XIRP2: variants seen among roughly 807,000 people sequenced by gnomAD.
XIRP2 encodes xin actin-binding repeat-containing protein 2.
In XIRP2, 236 loss-of-function variants were observed where a neutral mutation model predicts 277.0. That is an observed-to-expected ratio of 0.85 (90% confidence interval 0.77 to 0.95). The LOEUF (loss-of-function observed/expected upper bound fraction) is 0.95. XIRP2 is among the 40% of genes least tolerant of loss of function. The pLI, the probability that XIRP2 is intolerant of heterozygous loss-of-function variation, is 0.00. For missense variants in XIRP2, 4,640 were observed against 4,157.5 expected, an observed-to-expected ratio of 1.12 and a Z score of -3.19; for synonymous variants, 1,490 against 1,416.5, an observed-to-expected ratio of 1.05 and a Z score of -1.17.
intron 2 of XIRP2, among the ~76,000 whole-genome samples, chr2:166,952,953 T>C (rs2105397987): frequency 6.6e-6 from 1 of 152,144 alleles, no homozygotes; most frequent in East Asian, 1.9e-4. Flanking sequence ...CAAAATTCAA[T>C]TTAAAAATTG....
At chr2:167,195,655 G>A (rs140637496) in intron 3 of XIRP2, among the ~76,000 whole-genome samples, 1 of 152,278 alleles carries the variant, frequency 6.6e-6, no homozygotes, top group African/African-American at 2.4e-5. Flanking sequence ...AGGAGAGAGG[G>A]CAAAGAGAAC....
At chr2:166,938,102 T>G (rs1685572010) in intron 2 of XIRP2, among the ~76,000 whole-genome samples, 1 of 152,242 alleles carries the variant, frequency 6.6e-6, no homozygotes, top group Non-Finnish European at 1.5e-5. Flanking sequence ...CCTTCAGTTC[T>G]GCTCCGATCT....
intron 3 of XIRP2, among the ~76,000 whole-genome samples, chr2:167,184,934 C>CTTTCTGCCTTT (rs1693114592): frequency 6.6e-6 from 1 of 152,124 alleles, no homozygotes; most frequent in Non-Finnish European, 1.5e-5. Flanking sequence ...TACAAGGGAT[C>CTTTCTGCCTTT]ACCTTATGAA....
chr2:167,225,587 T>C (rs970098204), intron 5 of XIRP2, among the ~76,000 whole-genome samples: 1 of 152,092 alleles, frequency 6.6e-6, no homozygotes, highest in African/African-American at 2.4e-5. Flanking sequence ...TGGAATCACA[T>C]AGACCTTTCT....
rs767047580 is a variant in XIRP2 at position 167,193,879 on chromosome 2, C to CAAAAAA, written c.563-16840_563-16835dup. ...GGTGACACAGTATGAGACTCTGTCT[C>CAAAAAA]AAAAAAAAAAAAAAAAAAAAATTCA... On this transcript the variant is annotated intron_variant, in intron 3 of 10. Transcript: ENST00000409195. Among the ~76,000 whole-genome samples, 289 of 71,808 alleles carry CAAAAAA rather than the reference C, an allele frequency of 4.0e-3. 4 individuals carry two copies. Among genetic ancestry groups the CAAAAAA allele is most frequent in the African/African-American group, 0.012 (227 of 19,296 alleles). 47.1% of individuals were successfully genotyped at this position (71,808 alleles called of 152,430 possible).
At chr2:167,071,766 G>T (rs1689443006) in intron 2 of XIRP2, among the ~76,000 whole-genome samples, 1 of 152,192 alleles carries the variant, frequency 6.6e-6, no homozygotes, top group Non-Finnish European at 1.5e-5. Context: ...CAGACCTTCT[G>T]TGCCAGGGCA....
At position 167,248,422 on chromosome 2, in the gene XIRP2, C is replaced by T; in HGVS notation, c.7030C>T (p.Leu2344Phe). 1 of 1,613,752 alleles carries T rather than the reference C, an allele frequency of 6.2e-7. No homozygotes were observed. The highest frequency in any genetic ancestry group is 8.5e-7 in the Non-Finnish European group (1 of 1,179,854). ...IKAEFESFPGLPLPPPPVDEK... is the reference protein window; with the variant it reads ...IKAEFESFPGFPLPPPPVDEK... ...GGCTGAATTTGAAAGTTTTCCAGGC[C>T]TCCCTCTTCCTCCACCTCCAGTAGA... Residue 2344 changes from leucine to phenylalanine, a missense_variant, in exon 9 of 11, where the codon CTC becomes TTC. Physicochemically the swap from Leu to Phe is conservative, Grantham distance 22 (BLOSUM62 0). Coordinates refer to ENST00000409195, the MANE Select transcript of XIRP2 (RefSeq NM_152381.6).
intron 2 of XIRP2, among the ~76,000 whole-genome samples, chr2:167,038,819 G>T (rs986257167): frequency 6.6e-6 from 1 of 151,956 alleles, no homozygotes; most frequent in Non-Finnish European, 1.5e-5. Flanking sequence ...TTAAAGAAAT[G>T]ATTAGGGCTT....
At chr2:167,099,582 T>G (rs1216102743) in intron 2 of XIRP2, among the ~76,000 whole-genome samples, 1 of 152,014 alleles carries the variant, frequency 6.6e-6, no homozygotes, top group Non-Finnish European at 1.5e-5. Context: ...GCTAGCTCGG[T>G]GTCTGCCCAA....
intron 2 of XIRP2, among the ~76,000 whole-genome samples, chr2:167,091,834 T>G (rs1236803125): frequency 6.6e-6 from 1 of 152,170 alleles, no homozygotes; most frequent in Non-Finnish European, 1.5e-5. Context: ...TTGAGATCAT[T>G]TGAAGATGGT....
chr2:166,908,892 G>A (rs1684615813), intron 2 of XIRP2, among the ~76,000 whole-genome samples: 1 of 152,086 alleles, frequency 6.6e-6, no homozygotes, highest in Non-Finnish European at 1.5e-5. Flanking sequence ...CCCATTTCTT[G>A]TTTTTGTCAG....
At chr2:167,221,814 T>C (rs867434250) in intron 5 of XIRP2, among the ~76,000 whole-genome samples, 1 of 152,192 alleles carries the variant, frequency 6.6e-6, no homozygotes, top group South Asian at 2.1e-4. Flanking sequence ...AAAAAATATT[T>C]ATTTTTTTGA....
At chr2:167,074,981 G>A (rs1207487031) in intron 2 of XIRP2, among the ~76,000 whole-genome samples, 1 of 152,064 alleles carries the variant, frequency 6.6e-6, no homozygotes, top group Non-Finnish European at 1.5e-5. Context: ...AGTGATCTTG[G>A]ACATTTAAAG....
intron 3 of XIRP2, among the ~76,000 whole-genome samples, chr2:167,146,701 A>G (rs750815723): frequency 6.6e-6 from 1 of 152,278 alleles, no homozygotes; most frequent in Non-Finnish European, 1.5e-5. Context: ...TAAACACTTT[A>G]TAGAACTGAA....
Position 166,907,411 on chromosome 2 carries a change from T to C in XIRP2, c.408+3521T>C, listed in dbSNP as rs78291304. On this transcript the variant is annotated intron_variant, in intron 2 of 10. Transcript: ENST00000409195. Reference sequence around the variant, plus strand: ...CCCAAAAATAGTGGGGTTAGAACATTAGTGGCTTTACAATTGTTTAGAAGT... The same window carrying C: ...CCCAAAAATAGTGGGGTTAGAACATCAGTGGCTTTACAATTGTTTAGAAGT... 4.8e-3 allele frequency among the ~76,000 whole-genome samples: 734 copies of C among 152,266 alleles called. 9 individuals carry two copies. Among genetic ancestry groups the C allele is most frequent in the African/African-American group, 0.017 (697 of 41,566 alleles).
chr2:167,002,004 T>C (rs1204915149), intron 2 of XIRP2, among the ~76,000 whole-genome samples: 3 of 152,240 alleles, frequency 2.0e-5, no homozygotes, highest in African/African-American at 4.8e-5. Flanking sequence ...AAATAATTAT[T>C]TGGAAAAATA....
chr2:166,981,528 TCTC>T (rs1686869155), intron 2 of XIRP2, among the ~76,000 whole-genome samples: 1 of 151,946 alleles, frequency 6.6e-6, no homozygotes, highest in Admixed American at 6.6e-5. Flanking sequence ...TTCAAGCAAT[TCTC>T]CTGCCTCGGC....
At position 167,244,419 on chromosome 2, in the gene XIRP2, C is replaced by T. The variant is rs775303308; in HGVS notation, c.3027C>T (p.Ile1009=). The T allele has an allele frequency of 2.4e-5, 39 of 1,613,552 alleles. No homozygotes were observed. The highest frequency in any genetic ancestry group is 2.9e-5 in the Non-Finnish European group (34 of 1,179,818). The change falls in exon 9 of 11, where the codon ATC becomes ATT. Residue 1009 remains isoleucine (I), a synonymous_variant. Coordinates refer to ENST00000409195, the MANE Select transcript of XIRP2 (RefSeq NM_152381.6). The stretch of plus-strand genomic sequence containing the variant: ...TAAAGACAGTCCAGCAAGAAGAAAT[C>T]GTAAGAGGTGATGTAAGAAGCTGTA... ...HQVKTVQQEE[I]VRGDVRSCRW...
chr2:167,105,688 A>C (rs1690598887), intron 2 of XIRP2, among the ~76,000 whole-genome samples: 1 of 151,840 alleles, frequency 6.6e-6, no homozygotes, highest in Non-Finnish European at 1.5e-5. Context: ...AAGTGCAGTT[A>C]GGGGGAGCGT....
Sources: allele counts gnomAD v4.1 joint callset (sites outside exome capture counted in the v4.1 genomes callset), GRCh38; gene constraint gnomAD v4.1.1; transcripts MANE v1.5; gene names NCBI Gene and HGNC (gene_info 2026-07-23, HGNC 2026-07-21).